CHRM3: variants seen among roughly 807,000 people sequenced by gnomAD.
The protein encoded by CHRM3 is muscarinic acetylcholine receptor M3.
In CHRM3, 11 loss-of-function variants were observed where a neutral mutation model predicts 41.8. The observed-to-expected ratio is 0.26, with a 90% CI of 0.17 to 0.44. The LOEUF (loss-of-function observed/expected upper bound fraction) is 0.44. Ranked by LOEUF, CHRM3 falls within the 20% of genes least tolerant of loss-of-function variation. The pLI, the probability that CHRM3 is intolerant of heterozygous loss-of-function variation, is 1.00. For missense variants in CHRM3, 571 were observed against 745.4 expected (o/e 0.77, Z 2.72); for synonymous variants, 297 against 301.4 (o/e 0.99, Z 0.15).
intron 1 of CHRM3, among the ~76,000 whole-genome samples, chr1:239,485,086 A>C (rs1332047744): frequency 6.6e-6 from 1 of 152,132 alleles, no homozygotes; most frequent in East Asian, 1.9e-4. Context: ...TATGAACTTG[A>C]TGAGGGAACA....
intron 6 of CHRM3, among the ~76,000 whole-genome samples, chr1:239,855,570 C>G (rs1042645743): frequency 1.1e-4 from 16 of 151,718 alleles, no homozygotes; most frequent in African/African-American, 3.9e-4. Context: ...TTTTTTCACT[C>G]ATACACACAA....
At chr1:239,573,943 CTATT>C (rs1004654921) in intron 3 of CHRM3, among the ~76,000 whole-genome samples, 2 of 152,052 alleles carry the variant, frequency 1.3e-5, no homozygotes, top group Non-Finnish European at 2.9e-5. Flanking sequence ...AGTAATTTCT[CTATT>C]TAGTTAGTTT....
chr1:239,556,282 G>A (rs940204462), intron 3 of CHRM3, among the ~76,000 whole-genome samples: 3 of 152,024 alleles, frequency 2.0e-5, no homozygotes, highest in African/African-American at 4.8e-5. Context: ...TAATACACAC[G>A]TGAGCCACAG....
chr1:239,480,848 G>A (rs1329986305), intron 1 of CHRM3, among the ~76,000 whole-genome samples: 2 of 152,122 alleles, frequency 1.3e-5, no homozygotes, highest in Admixed American at 6.6e-5. Flanking sequence ...GTGAGCCACT[G>A]CGCCTGGCCA....
chr1:239,819,793 G>A (rs1027066337), intron 5 of CHRM3, among the ~76,000 whole-genome samples: 7 of 152,276 alleles, frequency 4.6e-5, no homozygotes, highest in Admixed American at 3.9e-4. Context: ...CAGAGCAGAC[G>A]AGAGGTGTCT....
At chr1:239,895,896 A>G (rs1484973080) in intron 6 of CHRM3, among the ~76,000 whole-genome samples, 2 of 152,154 alleles carry the variant, frequency 1.3e-5, no homozygotes, top group Non-Finnish European at 2.9e-5. Context: ...TGACAAAATA[A>G]TCTGTAAACC....
intron 3 of CHRM3, among the ~76,000 whole-genome samples, chr1:239,599,415 T>A (rs971044797): frequency 7.4e-6 from 1 of 135,424 alleles, no homozygotes; most frequent in African/African-American, 2.6e-5. Flanking sequence ...TACTACTAAA[T>A]CCTCTGTTTA....
At chr1:239,689,499 G>T (rs1313261200) in intron 5 of CHRM3, among the ~76,000 whole-genome samples, 1 of 152,158 alleles carries the variant, frequency 6.6e-6, no homozygotes, top group Non-Finnish European at 1.5e-5. Flanking sequence ...AGCAGCGTTT[G>T]TGAAATAGAT....
intron 5 of CHRM3, among the ~76,000 whole-genome samples, chr1:239,700,927 G>T (rs754950111): frequency 6.6e-6 from 1 of 152,190 alleles, no homozygotes; most frequent in Admixed American, 6.5e-5. Context: ...GACTGGACCC[G>T]TACTGTAGAT....
chr1:239,634,232 C>T (rs1331251591), intron 4 of CHRM3, among the ~76,000 whole-genome samples: 2 of 152,064 alleles, frequency 1.3e-5, no homozygotes, highest in African/African-American at 4.8e-5. Context: ...CTCAGTAACC[C>T]TTTGAATACA....
chr1:239,690,912 G>A (rs1659653683), intron 5 of CHRM3, among the ~76,000 whole-genome samples: 1 of 152,012 alleles, frequency 6.6e-6, no homozygotes, highest in South Asian at 2.1e-4. Context: ...GGGTTAATGA[G>A]CAATGGCAAA....
At chr1:239,781,236 A>G (rs2148801515) in intron 5 of CHRM3, among the ~76,000 whole-genome samples, 1 of 152,312 alleles carries the variant, frequency 6.6e-6, no homozygotes, top group East Asian at 1.9e-4. Flanking sequence ...CCTATCCATG[A>G]GCATGAAACA....
intron 4 of CHRM3, among the ~76,000 whole-genome samples, chr1:239,673,675 C>T (rs1049863204): frequency 6.6e-6 from 1 of 151,752 alleles, no homozygotes; most frequent in Non-Finnish European, 1.5e-5. Context: ...TCTGAGCATC[C>T]TTTTAGTTTT....
chr1:239,873,687 A>G (rs1457418051), intron 6 of CHRM3, among the ~76,000 whole-genome samples: 1 of 151,878 alleles, frequency 6.6e-6, no homozygotes, highest in East Asian at 1.9e-4. Context: ...GACAGTCAAA[A>G]CTCTGAAACC....
intron 3 of CHRM3, among the ~76,000 whole-genome samples, chr1:239,576,166 G>A (rs935135298): frequency 7.9e-5 from 12 of 152,028 alleles, no homozygotes; most frequent in Non-Finnish European, 8.8e-5. Flanking sequence ...TTTTAAGGTT[G>A]AATAACGTCC....
At chr1:239,590,275 A>C (rs1382063609) in intron 3 of CHRM3, among the ~76,000 whole-genome samples, 1 of 152,204 alleles carries the variant, frequency 6.6e-6, no homozygotes, top group African/African-American at 2.4e-5. Flanking sequence ...CAATTTATTC[A>C]GTGATTTAAA....
At chr1:239,399,195 T>C (rs1039575630) in intron 1 of CHRM3, among the ~76,000 whole-genome samples, 3 of 152,186 alleles carry the variant, frequency 2.0e-5, no homozygotes, top group Non-Finnish European at 4.4e-5. Flanking sequence ...AATATCTCAT[T>C]GAATCAACAG....
chr1:239,694,217 G>T (rs1468347565), intron 5 of CHRM3, among the ~76,000 whole-genome samples: 1 of 152,182 alleles, frequency 6.6e-6, no homozygotes, highest in Non-Finnish European at 1.5e-5. Flanking sequence ...TATTCATAAA[G>T]AATTAGATGA....
At chr1:239,813,861 G>A (rs923995116) in intron 5 of CHRM3, among the ~76,000 whole-genome samples, 1 of 136,220 alleles carries the variant, frequency 7.3e-6, no homozygotes. Flanking sequence ...AGCTTGCAGT[G>A]AGCCGAGATC....
Sources: allele counts gnomAD v4.1 joint callset (sites outside exome capture counted in the v4.1 genomes callset), GRCh38; gene constraint gnomAD v4.1.1; transcripts MANE v1.5; gene names NCBI Gene and HGNC (gene_info 2026-07-23, HGNC 2026-07-21).